SNRNP27: variants seen among roughly 807,000 people sequenced by gnomAD.
The protein encoded by SNRNP27 is U4/U6.U5 small nuclear ribonucleoprotein 27 kDa protein.
A neutral mutation model predicts 25.1 loss-of-function variants in SNRNP27; 22 were observed. The ratio of observed to expected loss-of-function variants is 0.88; its 90% CI spans 0.63 to 1.25. The LOEUF (loss-of-function observed/expected upper bound fraction) is 1.25. Among genes scored for constraint, SNRNP27 ranks in the 50% most tolerant of loss-of-function variants. The pLI, the probability that SNRNP27 is intolerant of heterozygous loss-of-function variation, is 0.00. For missense variants in SNRNP27, 150 were observed against 202.3 expected (o/e 0.74, Z 1.57); for synonymous variants, 66 against 64.9 (o/e 1.02, Z -0.08).
At chr2:69,895,601 G>A (rs1676586812) in intron 2 of SNRNP27, among the ~76,000 whole-genome samples, 1 of 151,866 alleles carries the variant, frequency 6.6e-6, no homozygotes, top group African/African-American at 2.4e-5. Flanking sequence ...GGAGTGCAGC[G>A]GCGCAATCTG....
At chr2:69,902,527 G>A (rs1181859039) in intron 4 of SNRNP27, among the ~76,000 whole-genome samples, 1 of 151,156 alleles carries the variant, frequency 6.6e-6, no homozygotes, top group East Asian at 1.9e-4. Flanking sequence ...TGCTGCTCTA[G>A]CTTCTGCTTC....
intron 4 of SNRNP27, among the ~76,000 whole-genome samples, chr2:69,898,695 G>C (rs555538083): frequency 2.0e-5 from 3 of 152,166 alleles, no homozygotes; most frequent in Admixed American, 1.3e-4. Flanking sequence ...ATGACAGTGT[G>C]TAACTTAGGA....
intron 2 of SNRNP27, among the ~76,000 whole-genome samples, 177 bp downstream of exon 2, chr2:69,895,391 G>A (rs553285374): frequency 1.3e-5 from 2 of 152,330 alleles, no homozygotes; most frequent in African/African-American, 2.4e-5. Flanking sequence ...GGTGCTAATA[G>A]TACTCTACAT....
Position 69,903,196 on chromosome 2 carries a change from G to A in SNRNP27, c.364G>A (p.Gly122Ser). Residue 122 changes from glycine (G) to serine (S), a missense_variant, in exon 5 of 6, where the codon GGC (glycine) becomes AGC (serine). By Grantham distance (56) the Gly-to-Ser change is moderately conservative. Transcript: ENST00000244227. Reference protein sequence around the residue: ...FDSTKGKKVDGSVNAYAINVS... With the variant: ...FDSTKGKKVDSSVNAYAINVS... ...TTTTCTTCAGGGTAAGAAGGTGGAT[G>A]GCTCTGTAAATGCCTATGCCATAAA... The A allele has an allele frequency of 1.2e-6, 2 of 1,612,814 alleles. No homozygotes were observed. Among genetic ancestry groups the A allele is most frequent in the Non-Finnish European group, 1.7e-6 (2 of 1,178,914 alleles).
intron 1 of SNRNP27, 137 bp from the exon 2 acceptor site, chr2:69,894,957 C>T: frequency 1.6e-6 from 2 of 1,240,812 alleles, no homozygotes; most frequent in Non-Finnish European, 2.2e-6. Context: ...GGATTACAGG[C>T]GTGAGCCACC....
intron 4 of SNRNP27, among the ~76,000 whole-genome samples, chr2:69,900,665 G>A (rs530588305): frequency 6.6e-6 from 1 of 152,330 alleles, no homozygotes; most frequent in Non-Finnish European, 1.5e-5. Flanking sequence ...TCTTGCATAA[G>A]TAGTAATGGG....
chr2:69,894,192 CCT>C (rs1412730518), intron 1 of SNRNP27, among the ~76,000 whole-genome samples, 174 bp downstream of exon 1: 1 of 152,136 alleles, frequency 6.6e-6, no homozygotes, highest in Non-Finnish European at 1.5e-5. Flanking sequence ...TTCAGCCCGC[CCT>C]CTCCGGTTTG....
intron 5 of SNRNP27, 69 bp downstream of exon 5, chr2:69,903,314 A>G (rs755509044): frequency 9.2e-7 from 1 of 1,092,184 alleles, no homozygotes; most frequent in Non-Finnish European, 1.4e-6. Context: ...TTATTATGAG[A>G]TAATCATGTT....
chr2:69,902,336 C>CTGCTGCTGCTGCTCT (rs1676716097), intron 4 of SNRNP27, among the ~76,000 whole-genome samples: 1 of 151,726 alleles, frequency 6.6e-6, no homozygotes. Flanking sequence ...ACTTCCGCTG[C>CTGCTGCTGCTGCTCT]TGCTGCTGCT....
In SNRNP27 at chr2:69,893,992, G is replaced by T. The variant is rs368519537; in HGVS notation, c.8G>T (p.Arg3Leu). ...CGGGAAGCGGGACTCCAAATGGGTC[G>T]CAGTCGCAGCCGCTCTCCACGGAGG... MG[R>L]SRSRSPRRER... The change falls in exon 1 of 6, where the codon CGC becomes CTC. Residue 3 changes from arginine (R) to leucine (L), a missense_variant. By Grantham distance (102) the Arg-to-Leu change is moderately radical. This residue lies in a region of SNRNP27 where 142 missense variants were observed against 168.6 expected (regional missense o/e 0.84). Transcript: ENST00000244227. 15 of 1,613,880 alleles carry T rather than the reference G, an allele frequency of 9.3e-6. No homozygotes were observed. The African/African-American group carries it at 2.0e-4, about 22-fold the overall frequency.
intron 1 of SNRNP27, among the ~76,000 whole-genome samples, 184 bp from the exon 2 acceptor site, chr2:69,894,910 G>T (rs1017577273): frequency 1.3e-5 from 2 of 152,088 alleles, no homozygotes; most frequent in Non-Finnish European, 2.9e-5. Flanking sequence ...TCGAACTCCT[G>T]ACCTTGTGAT....
Position 69,905,152 on chromosome 2 carries a change from T to C in SNRNP27, c.*844T>C, listed in dbSNP as rs1193506302. 2 of 152,234 alleles carry C rather than the reference T, an allele frequency of 1.3e-5. No homozygotes were observed. The allele number at this position is 152,234 out of a possible 1,614,324, so 9.4% of individuals were successfully genotyped here. On this transcript the variant is annotated 3_prime_UTR_variant, in exon 6 of 6. Coordinates refer to ENST00000244227, the MANE Select transcript of SNRNP27 (RefSeq NM_006857.3). The stretch of plus-strand genomic sequence containing the variant: ...GGTTGTATCATAATTTATTAACTAA[T>C]GTTTTATTGGTAAACATTGGCTTGC...
intron 4 of SNRNP27, among the ~76,000 whole-genome samples, chr2:69,902,108 C>T (rs575645370): frequency 1.2e-4 from 18 of 152,222 alleles, no homozygotes; most frequent in African/African-American, 2.7e-4. Context: ...TGCTTATACA[C>T]GATTGTAAAA....
intron 2 of SNRNP27, 76 bp downstream of exon 2, chr2:69,895,290 TTTCATCGCTTA>T: frequency 6.5e-7 from 1 of 1,544,244 alleles, no homozygotes; most frequent in Non-Finnish European, 8.8e-7. Context: ...TTAACTTTGT[TTTCATCGCTTA>T]TAAGGGGATT....
At chr2:69,894,988 T>G in intron 1 of SNRNP27, 106 bp from the exon 2 acceptor site, 3 of 1,487,564 alleles carry the variant, frequency 2.0e-6, no homozygotes, top group Non-Finnish European at 2.7e-6. Context: ...TCTTTTTACC[T>G]TTTTAATGTG....
At chr2:69,897,877 C>T in intron 4 of SNRNP27, 1 of 157,806 alleles carries the variant, frequency 6.3e-6, no homozygotes, top group Non-Finnish European at 1.4e-5. Flanking sequence ...TGCCCTTAGT[C>T]ATGCTAAGGA....
At chr2:69,902,248 CCTCCTTCCTTCTTTCTT>C (rs1355283199) in intron 4 of SNRNP27, among the ~76,000 whole-genome samples, 3 of 150,240 alleles carry the variant, frequency 2.0e-5, no homozygotes, top group Non-Finnish European at 4.5e-5. Context: ...TCTTCTCCTT[CCTCCTTCCTTCTTTCTT>C]CTCCTTCCTC....
intron 4 of SNRNP27, among the ~76,000 whole-genome samples, chr2:69,901,563 T>C (rs1302961926): frequency 6.6e-6 from 1 of 152,130 alleles, no homozygotes; most frequent in East Asian, 1.9e-4. Context: ...TGCCTGGGAT[T>C]CCAGCACTTT....
At chr2:69,902,679 T>C (rs1301627006) in intron 4 of SNRNP27, among the ~76,000 whole-genome samples, 1 of 151,920 alleles carries the variant, frequency 6.6e-6, no homozygotes, top group Non-Finnish European at 1.5e-5. Flanking sequence ...CTTCTGCTGC[T>C]CCTTCTGCTG....
Sources: allele counts gnomAD v4.1 joint callset (sites outside exome capture counted in the v4.1 genomes callset), GRCh38; gene constraint gnomAD v4.1.1; regional missense constraint gnomAD v4.1.1; transcripts MANE v1.5; gene names NCBI Gene and HGNC (gene_info 2026-07-23, HGNC 2026-07-21).